The following GDF10 variants were observed in gnomAD, a reference collection of about 807,000 sequenced individuals.
The protein encoded by GDF10 is growth/differentiation factor 10.
Under a neutral mutation model 32.1 loss-of-function variants are expected in GDF10, and 23 were observed. The ratio of observed to expected loss-of-function variants is 0.72; its 90% CI spans 0.52 to 1.02. GDF10 has a LOEUF of 1.02. GDF10 is among the 50% of genes least tolerant of loss of function. The pLI is 0.00. For synonymous variants in GDF10, 328 were observed against 303.1 expected (o/e 1.08, Z -0.85); for missense variants, 764 against 673.9 (o/e 1.13, Z -1.48).
Position 47,310,099 on chromosome 10 carries a change from C to T in GDF10, c.623C>T (p.Pro208Leu), listed in dbSNP as rs1376513659. The change falls in exon 2 of 3, where the codon CCC becomes CTC. Residue 208 changes from proline to leucine, a missense_variant. Transcript: ENST00000580279. ...CTGTGGCAGGCCAAGGACATCTCCC[C>T]CATCGTCAAGGCGGCCCGCCGGGAT... ...RGLWQAKDIS[P>L]IVKAARRDGE... is the part of the protein sequence containing the mutation. The T allele has an allele frequency of 6.2e-6, 10 of 1,609,098 alleles. No homozygotes were observed. Among genetic ancestry groups the T allele is most frequent in the African/African-American group, 1.3e-5 (1 of 74,910 alleles).
In GDF10 at chr10:47,312,431, C is replaced by T. The variant is rs545947874; in HGVS notation, c.1246-170C>T. On this transcript the variant is annotated intron_variant, in intron 2 of 2. Coordinates refer to ENST00000580279, the MANE Select transcript of GDF10 (RefSeq NM_004962.5). The stretch of plus-strand genomic sequence containing the variant: ...AGCGTATGTCTGATTTTAGAGGAAC[C>T]GTGTGCCCCGCCTTGGGATCTCGTC... Among the ~76,000 whole-genome samples, 18 of 152,296 alleles carry T rather than the reference C, an allele frequency of 1.2e-4. No individual in the cohort carries two copies. The South Asian group carries it at 2.1e-3, about 18-fold the overall frequency.
intron 1 of GDF10, among the ~76,000 whole-genome samples, chr10:47,301,880 C>G (rs1382637108): frequency 1.3e-5 from 2 of 152,166 alleles, no homozygotes; most frequent in African/African-American, 2.4e-5. Context: ...AGGCTCCCCT[C>G]CTGAGGGAGA....
At position 47,309,850 on chromosome 10, in the gene GDF10, C is replaced by T. The variant is rs145891412; in HGVS notation, c.374C>T (p.Ser125Leu). The T allele has an allele frequency of 2.4e-4, 384 of 1,612,784 alleles. No individual in the cohort carries two copies. The highest frequency in any genetic ancestry group is 2.7e-4 in the Non-Finnish European group (324 of 1,179,706). Residue 125 changes from serine (S) to leucine (L), a missense_variant, in exon 2 of 3, where the codon TCG becomes TTG. By Grantham distance (145) the Ser-to-Leu change is moderately radical. Coordinates refer to ENST00000580279, the MANE Select transcript of GDF10 (RefSeq NM_004962.5). ...YFFNLTSMQD[S>L]EMILTATFHF... Reference sequence around the variant, plus strand: ...TTCAACCTGACTTCCATGCAAGACTCGGAAATGATCCTTACGGCCACTTTC... The same window carrying T: ...TTCAACCTGACTTCCATGCAAGACTTGGAAATGATCCTTACGGCCACTTTC...
At chr10:47,308,953 G>T (rs2061032810) in intron 1 of GDF10, among the ~76,000 whole-genome samples, 1 of 152,220 alleles carries the variant, frequency 6.6e-6, no homozygotes, top group Admixed American at 6.5e-5. Flanking sequence ...TGGCTGTGCT[G>T]CCCTGGTGCC....
At chr10:47,301,911 G>A (rs1175549281) in intron 1 of GDF10, among the ~76,000 whole-genome samples, 1 of 152,202 alleles carries the variant, frequency 6.6e-6, no homozygotes, top group Admixed American at 6.5e-5. Context: ...CCTAGCTGTG[G>A]AGCTAGACAG....
At chr10:47,306,577 G>A (rs374368062) in intron 1 of GDF10, among the ~76,000 whole-genome samples, 9 of 152,336 alleles carry the variant, frequency 5.9e-5, no homozygotes, top group African/African-American at 1.4e-4. Context: ...TCCCTGTCCC[G>A]TTAGAGTTTA....
intron 2 of GDF10, among the ~76,000 whole-genome samples, chr10:47,311,722 C>G (rs2061046865): frequency 6.6e-6 from 1 of 152,204 alleles, no homozygotes; most frequent in African/African-American, 2.4e-5. Context: ...AGGCTTGCAG[C>G]TGGTTGGCCA....
Position 47,312,892 on chromosome 10 carries a change from C to T in GDF10, c.*100C>T. 1 of 703,682 alleles carries T rather than the reference C, an allele frequency of 1.4e-6. No homozygotes were observed. Among genetic ancestry groups the T allele is most frequent in the Non-Finnish European group, 2.3e-6 (1 of 437,678 alleles). The allele number at this position is 703,682 out of a possible 1,614,324, so 43.6% of individuals were successfully genotyped here. ...GTGCAGCTGCAGACACAGAGCACAG[C>T]TCATGGGCAACATCACTGGGGCCCA... On this transcript the variant is annotated 3_prime_UTR_variant, in exon 3 of 3. Coordinates refer to ENST00000580279, the MANE Select transcript of GDF10 (RefSeq NM_004962.5).
intron 1 of GDF10, among the ~76,000 whole-genome samples, chr10:47,309,026 G>A (rs944442693): frequency 2.6e-4 from 39 of 152,286 alleles, no homozygotes; most frequent in African/African-American, 7.5e-4. Context: ...CAGGGAAGCC[G>A]GAGCTGGAGC....
At chr10:47,305,502 A>C (rs1213379173) in intron 1 of GDF10, among the ~76,000 whole-genome samples, 2 of 152,230 alleles carry the variant, frequency 1.3e-5, no homozygotes, top group African/African-American at 4.8e-5. Context: ...TCTTCTCTGC[A>C]GCACCGTCTG....
Position 47,312,914 on chromosome 10 carries a change from C to G in GDF10, c.*122C>G, listed in dbSNP as rs1588846944. ...CAGCTCATGGGCAACATCACTGGGG[C>G]CCAGAGAGAGCTGTCCGCCAGTGCA... On this transcript the variant is annotated 3_prime_UTR_variant, in exon 3 of 3. Transcript: ENST00000580279. 1.7e-6 allele frequency: 1 copy of G among 583,866 alleles called. No individual in the cohort carries two copies. 36.2% of individuals were successfully genotyped at this position (583,866 alleles called of 1,614,324 possible).
At position 47,310,601 on chromosome 10, in the gene GDF10, G is replaced by A; in HGVS notation, c.1125G>A (p.Val375=). 2 of 1,614,116 alleles carry A rather than the reference G, an allele frequency of 1.2e-6. No individual in the cohort carries two copies. The highest frequency in any genetic ancestry group is 8.5e-7 in the Non-Finnish European group (1 of 1,179,920). Residue 375 remains valine, a synonymous_variant, in exon 2 of 3, where the codon GTG becomes GTA. Transcript: ENST00000580279. ...GGAAGCAGTGGGATGAGCCGAGGGT[G>A]TGCTCCCGGAGGTACCTGAAGGTGG... ...ARRKQWDEPR[V]CSRRYLKVDF...
intron 1 of GDF10, among the ~76,000 whole-genome samples, chr10:47,309,586 C>T (rs782270745): frequency 3.9e-5 from 6 of 152,170 alleles, no homozygotes; most frequent in Non-Finnish European, 7.3e-5. Context: ...ACAATCTCAA[C>T]CTTAATTCCT....
In GDF10 at chr10:47,300,514, G is replaced by T. The variant is rs2060999525; in HGVS notation, c.-138G>T. ...CTCCGCTAAGCCCCTCGCCCCGCGC[G>T]GACCTCGGTATCCAGCGCCCTGCTG... On this transcript the variant is annotated 5_prime_UTR_variant, in exon 1 of 3. Transcript: ENST00000580279. The T allele has an allele frequency of 4.2e-6, 3 of 722,274 alleles. No homozygotes were observed. Among genetic ancestry groups the T allele is most frequent in the East Asian group, 3.3e-5 (1 of 30,312 alleles). 44.7% of individuals were successfully genotyped at this position (722,274 alleles called of 1,614,324 possible). A position where few individuals can be genotyped will look rare whatever the true frequency, so the allele number is the denominator to read the frequency against.
intron 1 of GDF10, among the ~76,000 whole-genome samples, chr10:47,302,261 C>T (rs1555206901): frequency 6.6e-6 from 1 of 152,190 alleles, no homozygotes; most frequent in African/African-American, 2.4e-5. Context: ...CCAATATCTC[C>T]CCTGTGCAGT....
intron 1 of GDF10, among the ~76,000 whole-genome samples, chr10:47,306,071 G>A (rs1284615956): frequency 1.3e-5 from 2 of 152,132 alleles, no homozygotes; most frequent in African/African-American, 4.8e-5. Flanking sequence ...GTGACTTTAG[G>A]CAAATTGCAC....
chr10:47,310,301 G>C lies in GDF10; in HGVS notation c.825G>C (p.Glu275Asp). ...RYDPFPAGDP[E>D]PRAAPNNSAD... ...ACCCCTTCCCTGCCGGAGACCCCGAGCCCCGCGCAGCCCCCAACAACTCAG... is the reference window on the plus strand; with the variant it reads ...ACCCCTTCCCTGCCGGAGACCCCGACCCCCGCGCAGCCCCCAACAACTCAG... The change falls in exon 2 of 3, where the codon GAG (glutamate) becomes GAC (aspartate). Residue 275 changes from glutamate (E) to aspartate (D), a missense_variant. Transcript: ENST00000580279. 6.2e-7 allele frequency: 1 copy of C among 1,607,572 alleles called. No individual in the cohort carries two copies. Among genetic ancestry groups the C allele is most frequent in the Non-Finnish European group, 8.5e-7 (1 of 1,177,394 alleles).
Position 47,310,483 on chromosome 10 carries a change from G to A in GDF10, c.1007G>A (p.Gly336Glu). The change falls in exon 2 of 3, where the codon GGG (glycine) becomes GAG (glutamate). Residue 336 changes from glycine to glutamate, a missense_variant. Physicochemically the swap from Gly to Glu is moderately conservative, Grantham distance 98. Transcript: ENST00000580279. ...TTCCGGGCGCTGAAACCCCGGCCAG[G>A]GCGCAAAGACCGCAGGAAGAAGGGC... Reference protein sequence around the residue: ...SPFRALKPRPGRKDRRKKGQE... With the variant: ...SPFRALKPRPERKDRRKKGQE... 1 of 1,613,774 alleles carries A rather than the reference G, an allele frequency of 6.2e-7. No individual in the cohort carries two copies. Among genetic ancestry groups the A allele is most frequent in the Non-Finnish European group, 8.5e-7 (1 of 1,179,734 alleles).
chr10:47,303,502 A>G (rs1228403714), intron 1 of GDF10, among the ~76,000 whole-genome samples: 1 of 152,074 alleles, frequency 6.6e-6, no homozygotes, highest in Non-Finnish European at 1.5e-5. Context: ...CCCTCCTTAT[A>G]GGATTTTTTT....
Sources: gnomAD v4.1 joint callset for allele counts (sites outside exome capture counted in the v4.1 genomes callset) on GRCh38, gnomAD v4.1.1 for gene constraint, MANE v1.5 for transcripts, NCBI Gene and HGNC (gene_info 2026-07-23, HGNC 2026-07-21) for gene names.